Variants in FUBP1 observed in about 807,000 individuals in gnomAD.
FUBP1 encodes the protein far upstream element-binding protein 1.
FUBP1 carries 16 observed loss-of-function variants against 94.9 expected under a neutral mutation model. The observed-to-expected ratio is 0.17, with a 90% CI of 0.11 to 0.26. FUBP1 has a LOEUF of 0.26. Ranked by LOEUF, FUBP1 falls within the 10% of genes least tolerant of loss-of-function variation. FUBP1 has a pLI of 1.00. For synonymous variants in FUBP1, 279 were observed against 254.9 expected (o/e 1.09, Z -0.90); for missense variants, 583 against 808.6 (o/e 0.72, Z 3.38).
rs544051248 is a variant in FUBP1 at position 77,970,592 on chromosome 1, T to C, written c.121-577A>G. 1.9e-3 allele frequency among the ~76,000 whole-genome samples: 293 copies of C among 152,336 alleles called. 1 individual carries two copies. The highest frequency in any genetic ancestry group is 6.3e-3 in the African/African-American group (263 of 41,582). On this transcript the variant is annotated intron_variant, in intron 1 of 19. Coordinates refer to ENST00000370768, the MANE Select transcript of FUBP1 (RefSeq NM_003902.5). ...GGTTAAACAAAACATGTGGCTCACA[T>C]TGTACTTCTATTGGACAATGTTGTT...
At chr1:77,964,554 A>G (rs1656118440) in intron 10 of FUBP1, 92 bp downstream of exon 10, 2 of 785,462 alleles carry the variant, frequency 2.5e-6, no homozygotes, top group Admixed American at 4.3e-5. Context: ...ATAAAAGGAT[A>G]ACAATGTTAG....
intron 1 of FUBP1, among the ~76,000 whole-genome samples, chr1:77,971,393 A>G (rs1031623752): frequency 1.3e-5 from 2 of 152,228 alleles, no homozygotes. Context: ...AACTGCTTCA[A>G]GTTTTTATTA....
At chr1:77,957,441 G>A (rs1195784625) in intron 16 of FUBP1, among the ~76,000 whole-genome samples, 3 of 152,034 alleles carry the variant, frequency 2.0e-5, no homozygotes, top group East Asian at 1.9e-4. Context: ...CCCGTGTCTC[G>A]GCTTTTAGCT....
chr1:77,964,509 A>G, intron 10 of FUBP1, 137 bp downstream of exon 10: 2 of 669,236 alleles, frequency 3.0e-6, no homozygotes, highest in South Asian at 3.9e-5. Flanking sequence ...GTAACAAGAT[A>G]TATAGAATTC....
rs1331445349 is a variant in FUBP1 at position 77,955,912 on chromosome 1, G to A, written c.1706-583C>T. On this transcript the variant is annotated intron_variant, in intron 17 of 19. Transcript: ENST00000370768. ...TGAAGAAATAGCTGACTCGAGGGCT[G>A]GAGCCCAGAAAGCACAAAATAACAA... Among the ~76,000 whole-genome samples, 6 of 152,158 alleles carry A rather than the reference G, an allele frequency of 3.9e-5. No homozygotes were observed. In the South Asian group the frequency reaches 1.2e-3, roughly 32 times the overall value.
At chr1:77,958,390 GTTTA>G (rs1654860512) in intron 16 of FUBP1, among the ~76,000 whole-genome samples, 1 of 152,162 alleles carries the variant, frequency 6.6e-6, no homozygotes, top group Admixed American at 6.6e-5. Context: ...ACTGATATAG[GTTTA>G]TTTGACTCTG....
At chr1:77,955,684 T>C (rs543244988) in intron 17 of FUBP1, among the ~76,000 whole-genome samples, 6 of 152,362 alleles carry the variant, frequency 3.9e-5, no homozygotes, top group South Asian at 4.1e-4. Flanking sequence ...GATGTGGTGA[T>C]ATGAACATAG....
intron 2 of FUBP1, chr1:77,969,074 C>T: frequency 2.4e-6 from 3 of 1,265,988 alleles, no homozygotes; most frequent in Non-Finnish European, 2.1e-6. Flanking sequence ...TCGGACTTGT[C>T]CAAGAGCCAT....
chr1:77,960,077 T>C, intron 16 of FUBP1, 107 bp downstream of exon 16: 1 of 770,436 alleles, frequency 1.3e-6, no homozygotes, highest in Non-Finnish European at 2.2e-6. Context: ...AAGAGTAAAG[T>C]GAGTGAAGGT....
Position 77,970,015 on chromosome 1 carries a change from T to C in FUBP1, c.121A>G (p.Ile41Val). 1.3e-6 allele frequency: 2 copies of C among 1,513,794 alleles called. No homozygotes were observed. The highest frequency in any genetic ancestry group is 9.0e-7 in the Non-Finnish European group (1 of 1,106,968). 93.8% of individuals were successfully genotyped at this position (1,513,794 alleles called of 1,614,324 possible). The change falls in exon 2 of 20, where the codon ATT (isoleucine) becomes GTT (valine). Residue 41 changes from isoleucine to valine, a missense_variant and splice_region_variant. Ile to Val is a conservative substitution (Grantham distance 29, BLOSUM62 3). Coordinates refer to ENST00000370768, the MANE Select transcript of FUBP1 (RefSeq NM_003902.5). ...FKDALQRARQ[I>V]AAKIGGDAGT... is the part of the protein sequence containing the mutation. ...GCATCACCTCCAATTTTTGCTGCAA[T>C]CTAAAAAAAAAAAAGAAAAATACCA...
intron 1 of FUBP1, among the ~76,000 whole-genome samples, chr1:77,977,453 G>T (rs1464907493): frequency 6.6e-6 from 1 of 152,210 alleles, no homozygotes; most frequent in African/African-American, 2.4e-5. Context: ...TTGAAGCCGG[G>T]AGGCAGAGGT....
intron 18 of FUBP1, among the ~76,000 whole-genome samples, chr1:77,952,222 G>A (rs1390472709): frequency 2.0e-5 from 3 of 151,770 alleles, no homozygotes; most frequent in Non-Finnish European, 4.4e-5. Flanking sequence ...CTGGGCGACA[G>A]GGAAAGGCTC....
rs1651884401 is a variant in FUBP1, at chr1:77,945,133, A to T, written c.*3633T>A. On this transcript the variant is annotated 3_prime_UTR_variant, in exon 20 of 20. Transcript: ENST00000370768. ...ATGCTTATAGTATCAGTGAAGGCTT[A>T]TGGTAATGAATAAAAGAATTCTCAT... is the stretch of plus-strand genomic sequence containing the variant. Among the ~76,000 whole-genome samples, 1 of 151,994 alleles carries T rather than the reference A, an allele frequency of 6.6e-6. No individual in the cohort carries two copies. Among genetic ancestry groups the T allele is most frequent in the African/African-American group, 2.4e-5 (1 of 41,434 alleles).
intron 2 of FUBP1, among the ~76,000 whole-genome samples, chr1:77,968,453 T>C (rs1352863287): frequency 1.3e-5 from 2 of 152,190 alleles, no homozygotes; most frequent in East Asian, 3.9e-4. Context: ...TCACTGACCT[T>C]AATGTATGTT....
Position 77,948,640 on chromosome 1 carries a change from AAAAG to A in FUBP1, c.*122_*125del. Reference sequence around the variant, plus strand: ...TGTACATTTTCAAAAAAAAAAAAAAAAAAGGAAACACTATTTTAAACCAAAAACA... The same window carrying A: ...TGTACATTTTCAAAAAAAAAAAAAAAGAAACACTATTTTAAACCAAAAACA... On this transcript the variant is annotated 3_prime_UTR_variant, in exon 20 of 20. Transcript: ENST00000370768. 1.4e-6 allele frequency: 2 copies of A among 1,421,174 alleles called. No individual in the cohort carries two copies. Among genetic ancestry groups the A allele is most frequent in the African/African-American group, 1.5e-5 (1 of 67,926 alleles). 88.0% of individuals were successfully genotyped at this position (1,421,174 alleles called of 1,614,324 possible).
chr1:77,956,436 C>T, intron 17 of FUBP1, 136 bp downstream of exon 17: 1 of 540,326 alleles, frequency 1.9e-6, no homozygotes, highest in Non-Finnish European at 3.1e-6. Flanking sequence ...TTCAAAGTAA[C>T]AATTTAAAAA....
intron 1 of FUBP1, 26 bp downstream of exon 1, chr1:77,978,859 G>A (rs2102560955): frequency 1.2e-6 from 2 of 1,613,454 alleles, no homozygotes; most frequent in Non-Finnish European, 1.7e-6. Flanking sequence ...GAGCTTTCGG[G>A]ATTCCGCCGC....
intron 18 of FUBP1, among the ~76,000 whole-genome samples, chr1:77,949,662 A>C (rs1203319417): frequency 6.6e-6 from 1 of 152,224 alleles, no homozygotes; most frequent in Non-Finnish European, 1.5e-5. Flanking sequence ...TAGTAAAAAA[A>C]CAGAATCAAC....
chr1:77,978,368 G>C (rs116485196), intron 1 of FUBP1, among the ~76,000 whole-genome samples: 11 of 152,354 alleles, frequency 7.2e-5, no homozygotes, highest in Non-Finnish European at 1.6e-4. Flanking sequence ...CCCAGAAAAA[G>C]GCTGCTTTCA....
Sources: allele counts gnomAD v4.1 joint callset (sites outside exome capture counted in the v4.1 genomes callset), GRCh38; gene constraint gnomAD v4.1.1; transcripts MANE v1.5; gene names NCBI Gene and HGNC (gene_info 2026-07-23, HGNC 2026-07-21).